The following SOS2 variants were observed in gnomAD, a reference collection of about 807,000 sequenced individuals.
The protein encoded by SOS2 is SOS Ras/Rho guanine nucleotide exchange factor 2.
SOS2 carries 65 observed loss-of-function variants against 148.2 expected under a neutral mutation model. The ratio of observed to expected loss-of-function variants is 0.44; its 90% CI spans 0.36 to 0.54. The LOEUF (loss-of-function observed/expected upper bound fraction) is 0.54, where lower values mean the gene tolerates loss of function less well. Among genes scored for constraint, SOS2 ranks in the 20% least tolerant of loss-of-function variants. SOS2 has a pLI of 0.00. For missense variants in SOS2, 1,341 were observed against 1,590.2 expected, an observed-to-expected ratio of 0.84 and a Z score of 2.67; for synonymous variants, 539 against 537.1, an observed-to-expected ratio of 1.00 and a Z score of -0.05.
intron 6 of SOS2, 26 bp downstream of exon 6, chr14:50,182,437 G>A (rs575077470): frequency 6.2e-7 from 1 of 1,607,532 alleles, no homozygotes; most frequent in South Asian, 1.1e-5. Context: ...GCTTTAATGA[G>A]AATATAAGTA....
Position 50,204,314 on chromosome 14 carries a change from C to T in SOS2, c.183G>A (p.Met61Ile), listed in dbSNP as rs1402287989. ...CATCTTGAACAGTCCTTGGCTGGGC[C>T]ATGCATAATTTATTAAGCAGCTGAA... ...LIFQLLNKLCMAQPRTVQDVE... is the reference protein window; with the variant it reads ...LIFQLLNKLCIAQPRTVQDVE... The change falls in exon 2 of 23, where the codon ATG becomes ATA. Residue 61 changes from methionine (M) to isoleucine (I), a missense_variant. By Grantham distance (10) the Met-to-Ile change is conservative. Around this residue, in one of 4 missense-constraint regions of SOS2, gnomAD observed 574 missense variants for 711.1 expected, o/e 0.81. Coordinates refer to ENST00000216373, the MANE Select transcript of SOS2 (RefSeq NM_006939.4). The T allele has an allele frequency of 4.4e-6, 7 of 1,603,424 alleles. No homozygotes were observed. The highest frequency in any genetic ancestry group is 6.0e-6 in the Non-Finnish European group (7 of 1,174,282).
At position 50,172,429 on chromosome 14, in the gene SOS2, TTTTTC is replaced by T. The variant is rs1399325968; in HGVS notation, c.1068+2020_1068+2024del. On this transcript the variant is annotated intron_variant, in intron 8 of 22. Coordinates refer to ENST00000216373, the MANE Select transcript of SOS2 (RefSeq NM_006939.4). The stretch of plus-strand genomic sequence containing the variant: ...TCTCTTTATTCATTCCTTTTTTTTT[TTTTTC>T]TGAGATGGAGTCTCGCTCTGTTGTC... 8.0e-5 allele frequency among the ~76,000 whole-genome samples: 11 copies of T among 138,302 alleles called. 1 individual carries two copies. The highest frequency in any genetic ancestry group is 4.5e-4 in the South Asian group (2 of 4,398). 90.7% of individuals were successfully genotyped at this position (138,302 alleles called of 152,430 possible).
chr14:50,208,727 T>C (rs1886759815), intron 1 of SOS2, among the ~76,000 whole-genome samples: 1 of 152,206 alleles, frequency 6.6e-6, no homozygotes, highest in Admixed American at 6.5e-5. Context: ...AGCTTTCCTT[T>C]GGAGATCAAG....
At chr14:50,164,740 C>G (rs1192012932) in intron 8 of SOS2, among the ~76,000 whole-genome samples, 1 of 152,136 alleles carries the variant, frequency 6.6e-6, no homozygotes, top group Non-Finnish European at 1.5e-5. Context: ...CAGTCTCTGA[C>G]CTCCTTATCC....
chr14:50,181,875 T>G (rs1383169719), intron 6 of SOS2, among the ~76,000 whole-genome samples: 1 of 152,008 alleles, frequency 6.6e-6, no homozygotes, highest in Non-Finnish European at 1.5e-5. Flanking sequence ...GATTTTTACT[T>G]TGGAAAACAT....
intron 22 of SOS2, 97 bp downstream of exon 22, chr14:50,120,178 G>T: frequency 1.6e-6 from 1 of 613,852 alleles, no homozygotes; most frequent in Non-Finnish European, 2.9e-6. Context: ...AACCATAAAT[G>T]GTAGCCAAAG....
intron 21 of SOS2, among the ~76,000 whole-genome samples, chr14:50,127,491 C>A (rs949198707): frequency 1.3e-5 from 2 of 152,190 alleles, no homozygotes; most frequent in Admixed American, 1.3e-4. Flanking sequence ...TTCCTGCTAG[C>A]CAGAAAATGG....
At chr14:50,129,758 C>T (rs929743204) in intron 21 of SOS2, among the ~76,000 whole-genome samples, 1 of 152,190 alleles carries the variant, frequency 6.6e-6, no homozygotes, top group Non-Finnish European at 1.5e-5. Context: ...CAAGGCCATA[C>T]AGCCCTTAGA....
At chr14:50,229,341 A>C (rs1334084236) in intron 1 of SOS2, among the ~76,000 whole-genome samples, 1 of 152,182 alleles carries the variant, frequency 6.6e-6, no homozygotes, top group African/African-American at 2.4e-5. Flanking sequence ...ATTTTCTTAG[A>C]TGTATTTATT....
Position 50,131,179 on chromosome 14 carries a change from G to T in SOS2, c.3076-417C>A, listed in dbSNP as rs74628583. Among the ~76,000 whole-genome samples, 1,075 of 151,690 alleles carry T rather than the reference G, an allele frequency of 7.1e-3. 15 individuals carry two copies. Among genetic ancestry groups the T allele is most frequent in the African/African-American group, 0.025 (1,014 of 41,382 alleles). On this transcript the variant is annotated intron_variant, in intron 19 of 22. Transcript: ENST00000216373. ...ATTTTTTCCCCTTCCTATACTAAAT[G>T]ATCAACCTCTACATTGATGCTTTAA...
intron 7 of SOS2, among the ~76,000 whole-genome samples, chr14:50,175,015 C>T (rs942396363): frequency 2.0e-5 from 3 of 152,174 alleles, no homozygotes; most frequent in Non-Finnish European, 4.4e-5. Flanking sequence ...GTCTGTCATA[C>T]AACTTAATTG....
intron 21 of SOS2, among the ~76,000 whole-genome samples, chr14:50,122,395 T>TTTTTTTTTTTC: frequency 7.1e-6 from 1 of 141,788 alleles, no homozygotes; most frequent in African/African-American, 2.7e-5. Context: ...CCTGGGCTTT[T>TTTTTTTTTTTC]TTTTTTTTTT....
intron 21 of SOS2, among the ~76,000 whole-genome samples, chr14:50,126,353 T>C (rs951361973): frequency 6.6e-6 from 1 of 152,162 alleles, no homozygotes; most frequent in Non-Finnish European, 1.5e-5. Flanking sequence ...CACTGAAACT[T>C]TGCATCCATT....
rs549871155 is a variant in SOS2, at chr14:50,140,995, G to C, written c.2668-936C>G. 6.7e-5 allele frequency among the ~76,000 whole-genome samples: 10 copies of C among 149,216 alleles called. No homozygotes were observed. In the East Asian group the frequency reaches 1.2e-3, roughly 18 times the overall value. ...TGAGGCGGGCGGATCATGAGGTCAG[G>C]GGATCAAGACCATCCTGGCTAACAC... On this transcript the variant is annotated intron_variant, in intron 16 of 22. Transcript: ENST00000216373.
intron 3 of SOS2, among the ~76,000 whole-genome samples, 170 bp from the exon 4 acceptor site, chr14:50,200,025 G>C (rs1036409120): frequency 6.6e-6 from 1 of 152,126 alleles, no homozygotes; most frequent in African/African-American, 2.4e-5. Context: ...TGTATTAGGG[G>C]ATTTTTTTTC....
intron 1 of SOS2, among the ~76,000 whole-genome samples, chr14:50,220,520 C>T (rs1192748430): frequency 6.6e-6 from 1 of 151,344 alleles, no homozygotes; most frequent in Admixed American, 6.6e-5. Flanking sequence ...TATCTGGATA[C>T]TGGAAAAAAT....
intron 19 of SOS2, among the ~76,000 whole-genome samples, chr14:50,132,114 G>A (rs1883893486): frequency 6.6e-6 from 1 of 152,096 alleles, no homozygotes. Context: ...ACTGTTAATA[G>A]GAAATGAAAC....
At chr14:50,124,359 A>G (rs1883621032) in intron 21 of SOS2, among the ~76,000 whole-genome samples, 1 of 152,246 alleles carries the variant, frequency 6.6e-6, no homozygotes, top group African/African-American at 2.4e-5. Context: ...ATGAATCTTC[A>G]TGCATGTAAC....
At position 50,130,496 on chromosome 14, in the gene SOS2, C is replaced by T. The variant is rs551350570; in HGVS notation, c.3337+5G>A. 2.5e-6 allele frequency: 4 copies of T among 1,611,716 alleles called. No homozygotes were observed. In the South Asian group the frequency reaches 3.3e-5, roughly 13 times the overall value. ...TTTACCAAGCGGTTTACATCAAATACTTACCACAGGAGCTGTTGAGATCCA... is the reference window on the plus strand; with the variant it reads ...TTTACCAAGCGGTTTACATCAAATATTTACCACAGGAGCTGTTGAGATCCA... On this transcript the variant is annotated splice_donor_5th_base_variant and intron_variant, in intron 20 of 22. Transcript: ENST00000216373.
Sources: allele counts gnomAD v4.1 joint callset (sites outside exome capture counted in the v4.1 genomes callset), GRCh38; gene constraint gnomAD v4.1.1; regional missense constraint gnomAD v4.1.1; transcripts MANE v1.5; gene names NCBI Gene and HGNC (gene_info 2026-07-23, HGNC 2026-07-21).